VRK2: variants seen among roughly 807,000 people sequenced by gnomAD.
VRK2 encodes the protein serine/threonine-protein kinase VRK2.
VRK2 carries 60 observed loss-of-function variants against 57.6 expected under a neutral mutation model. That is an observed-to-expected ratio of 1.04 (90% CI 0.85 to 1.29). The LOEUF is 1.29. Among genes scored for constraint, VRK2 ranks in the 50% most tolerant of loss-of-function variants. The pLI is 0.00. For synonymous variants in VRK2, 231 were observed against 199.2 expected, an observed-to-expected ratio of 1.16 and a Z score of -1.35; for missense variants, 705 against 588.1, an observed-to-expected ratio of 1.20 and a Z score of -2.06.
At chr2:58,131,703 A>G (rs1003418010) in intron 8 of VRK2, 105 bp from the exon 9 acceptor site, 4 of 1,330,590 alleles carry the variant, frequency 3.0e-6, no homozygotes, top group Admixed American at 2.7e-5. Flanking sequence ...CATTTTGCCT[A>G]TTTGGCTTTT....
chr2:58,045,931 C>T (rs1674708223), upstream of VRK2, among the ~76,000 whole-genome samples: 1 of 152,174 alleles, frequency 6.6e-6, no homozygotes, highest in African/African-American at 2.4e-5. Context: ...GCAATCTCTG[C>T]TTCCTGGGTT....
At chr2:58,042,246 T>C (rs1293947661), upstream of VRK2, among the ~76,000 whole-genome samples, 1 of 152,224 alleles carries the variant, frequency 6.6e-6, no homozygotes, top group East Asian at 1.9e-4. Flanking sequence ...AGTTTATACT[T>C]TGTAATGATC....
chr2:58,076,163 A>T (rs1010246085), intron 2 of VRK2, among the ~76,000 whole-genome samples: 3 of 147,104 alleles, frequency 2.0e-5, no homozygotes, highest in Non-Finnish European at 3.0e-5. Flanking sequence ...GGAGAGCTAC[A>T]GTTGAGTGTT....
chr2:58,157,563 G>A (rs1317264227), intron 12 of VRK2, among the ~76,000 whole-genome samples: 1 of 152,152 alleles, frequency 6.6e-6, no homozygotes, highest in Non-Finnish European at 1.5e-5. Context: ...ATTGCCTTGA[G>A]CCCTTTGCTA....
chr2:58,137,180 A>ATGATACATATATATC (rs1680429217), intron 10 of VRK2, among the ~76,000 whole-genome samples: 2 of 8,710 alleles, frequency 2.3e-4, no homozygotes, highest in Admixed American at 3.2e-3. Flanking sequence ...TATCATATAT[A>ATGATACATATATATC]TCATATATGA....
At chr2:58,035,449 ACTCAAG>A (rs997419873) in intron 3 of VRK2, among the ~76,000 whole-genome samples, 11 of 151,878 alleles carry the variant, frequency 7.2e-5, no homozygotes, top group African/African-American at 2.7e-4. Context: ...TACATTAAAA[ACTCAAG>A]AGTATCTATG....
At chr2:58,040,174 T>C (rs576162078) in intron 3 of VRK2, among the ~76,000 whole-genome samples, 1 of 152,268 alleles carries the variant, frequency 6.6e-6, no homozygotes, top group Admixed American at 6.5e-5. Context: ...ATTTAAATAT[T>C]GGTATATCTT....
chr2:58,047,821 C>T (rs1675086220), intron 1 of VRK2, among the ~76,000 whole-genome samples: 1 of 152,050 alleles, frequency 6.6e-6, no homozygotes, highest in Non-Finnish European at 1.5e-5. Context: ...AGTAAAAAAG[C>T]AGTTAAGTGA....
At chr2:58,077,977 C>G (rs549996292) in intron 2 of VRK2, among the ~76,000 whole-genome samples, 157 of 152,190 alleles carry the variant, frequency 1.0e-3, no homozygotes, top group Middle Eastern at 3.4e-3. Flanking sequence ...TTAGCTTGCC[C>G]TCTTTCAGAA....
chr2:58,067,069 CT>C (rs751821123), intron 2 of VRK2, among the ~76,000 whole-genome samples: 42 of 152,240 alleles, frequency 2.8e-4, no homozygotes, highest in Non-Finnish European at 4.7e-4. Flanking sequence ...TGTTCCAACC[CT>C]CATCTTTCTC....
chr2:58,139,830 AAAGT>A lies in VRK2; in HGVS notation c.1023+5_1023+8del, dbSNP rs1681061558. 6 of 1,609,372 alleles carry A rather than the reference AAAGT, an allele frequency of 3.7e-6. No homozygotes were observed. The East Asian group carries it at 8.9e-5, about 24-fold the overall frequency. ...AAATGTCCATACTCCAAACAGTCAA[AAAGT>A]AAGTAACATAATCCCTGCTATCCTA... On this transcript the variant is annotated splice_donor_variant and coding_sequence_variant, in exon 11 of 13. Coordinates refer to ENST00000340157, the MANE Select transcript of VRK2 (RefSeq NM_006296.7). LOFTEE classifies it high-confidence loss of function.
intron 1 of VRK2, among the ~76,000 whole-genome samples, chr2:58,009,652 T>TGACA (rs1363912580): frequency 6.6e-6 from 1 of 151,614 alleles, no homozygotes; most frequent in Non-Finnish European, 1.5e-5. Flanking sequence ...TAATCACTAA[T>TGACA]GTTCTTTCTG....
chr2:57,927,485 C>T (rs779191409), intron 1 of VRK2, among the ~76,000 whole-genome samples: 1 of 152,096 alleles, frequency 6.6e-6, no homozygotes, highest in Non-Finnish European at 1.5e-5. Context: ...GCATGTTGAT[C>T]AGGTTGTTCT....
intron 5 of VRK2, among the ~76,000 whole-genome samples, chr2:58,086,732 C>G (rs769493157): frequency 1.3e-5 from 2 of 152,126 alleles, no homozygotes; most frequent in Non-Finnish European, 2.9e-5. Context: ...AGATCTACTT[C>G]TAATTTACTT....
At chr2:58,020,646 C>T (rs939032475) in intron 1 of VRK2, among the ~76,000 whole-genome samples, 6 of 152,224 alleles carry the variant, frequency 3.9e-5, no homozygotes, top group African/African-American at 1.4e-4. Flanking sequence ...TGAATGTCTC[C>T]AGACAGGCTC....
At chr2:58,058,428 A>T (rs1489265498) in intron 2 of VRK2, 1 of 470,558 alleles carries the variant, frequency 2.1e-6, no homozygotes, top group Non-Finnish European at 4.4e-6. Flanking sequence ...TTCAAGCAAG[A>T]GCAATCGGAA....
At chr2:57,917,964 T>C (rs1180636155) in intron 1 of VRK2, among the ~76,000 whole-genome samples, 1 of 152,112 alleles carries the variant, frequency 6.6e-6, no homozygotes, top group East Asian at 1.9e-4. Flanking sequence ...CAAATATAAT[T>C]TGGTAAGGTT....
At chr2:57,923,490 G>A (rs895765835) in intron 1 of VRK2, among the ~76,000 whole-genome samples, 1 of 151,000 alleles carries the variant, frequency 6.6e-6, no homozygotes, top group Non-Finnish European at 1.5e-5. Context: ...ATGATGTTGA[G>A]TACCTTTTCA....
chr2:58,108,940 A>G (rs566843754), intron 7 of VRK2, among the ~76,000 whole-genome samples: 1 of 152,322 alleles, frequency 6.6e-6, no homozygotes, highest in East Asian at 1.9e-4. Flanking sequence ...CATTCTCAAA[A>G]GATCTTAAAA....
Sources: allele counts gnomAD v4.1 joint callset (sites outside exome capture counted in the v4.1 genomes callset), GRCh38; gene constraint gnomAD v4.1.1; transcripts MANE v1.5; gene names NCBI Gene and HGNC (gene_info 2026-07-23, HGNC 2026-07-21).